Variants in FRMD4B observed in about 807,000 individuals in gnomAD.
FRMD4B encodes FERM domain containing 4B, also known as FERM domain-containing protein 4B.
Under a neutral mutation model 141.5 loss-of-function variants are expected in FRMD4B, and 74 were observed. The ratio of observed to expected loss-of-function variants is 0.52; its 90% CI spans 0.43 to 0.63. FRMD4B has a LOEUF of 0.63. Ranked by LOEUF, FRMD4B falls within the 30% of genes least tolerant of loss-of-function variation. FRMD4B has a pLI of 0.00. For missense variants in FRMD4B, 1,366 were observed against 1,253.4 expected (o/e 1.09, Z -1.36); for synonymous variants, 506 against 467.9 (o/e 1.08, Z -1.05).
At chr3:69,339,505 C>CA (rs1469497996) in intron 1 of FRMD4B, among the ~76,000 whole-genome samples, 1 of 152,188 alleles carries the variant, frequency 6.6e-6, no homozygotes, top group Non-Finnish European at 1.5e-5. Flanking sequence ...GGAAAGCACC[C>CA]AGCACAGTGC....
chr3:69,212,631 C>G (rs1476388322), intron 11 of FRMD4B, among the ~76,000 whole-genome samples: 1 of 152,114 alleles, frequency 6.6e-6, no homozygotes, highest in African/African-American at 2.4e-5. Context: ...GTCATAAGTA[C>G]AGGAGAGGAA....
intron 2 of FRMD4B, among the ~76,000 whole-genome samples, chr3:69,391,455 G>C (rs1575784720): frequency 7.2e-6 from 1 of 139,228 alleles, no homozygotes; most frequent in East Asian, 2.1e-4. Flanking sequence ...GTGTCCAAGT[G>C]TTCCCACTGT....
intron 2 of FRMD4B, among the ~76,000 whole-genome samples, chr3:69,312,843 T>C (rs1701644814): frequency 6.6e-6 from 1 of 152,088 alleles, no homozygotes; most frequent in African/African-American, 2.4e-5. Context: ...GAGCTGAGAT[T>C]ATGCTACTGC....
intron 9 of FRMD4B, among the ~76,000 whole-genome samples, chr3:69,219,464 A>C (rs2093172894): frequency 6.6e-6 from 1 of 152,170 alleles, no homozygotes. Flanking sequence ...GTCATGCAGC[A>C]ACTAAACTGC....
At chr3:69,362,683 A>G (rs1575764850) in intron 1 of FRMD4B, among the ~76,000 whole-genome samples, 2 of 144,046 alleles carry the variant, frequency 1.4e-5, no homozygotes, top group East Asian at 3.9e-4. Context: ...TCTCAAAACA[A>G]CAACAACAAA....
chr3:69,393,024 C>T (rs944129125), intron 2 of FRMD4B, among the ~76,000 whole-genome samples: 7 of 152,058 alleles, frequency 4.6e-5, no homozygotes, highest in African/African-American at 1.7e-4. Context: ...TAGCCATTGT[C>T]CCCCTCATAG....
chr3:69,403,677 G>A (rs944691487), intron 2 of FRMD4B, among the ~76,000 whole-genome samples: 1 of 152,118 alleles, frequency 6.6e-6, no homozygotes, highest in South Asian at 2.1e-4. Flanking sequence ...TACACCTAAC[G>A]CAATCAGCTT....
At chr3:69,325,363 C>T (rs1702158518) in intron 1 of FRMD4B, among the ~76,000 whole-genome samples, 1 of 152,208 alleles carries the variant, frequency 6.6e-6, no homozygotes, top group South Asian at 2.1e-4. Context: ...CAGACATTCC[C>T]TGGGGAGGGC....
intron 1 of FRMD4B, among the ~76,000 whole-genome samples, chr3:69,337,120 G>A (rs1282001171): frequency 6.6e-6 from 1 of 151,952 alleles, no homozygotes; most frequent in Non-Finnish European, 1.5e-5. Context: ...ATAGACAAAT[G>A]GAACAGAACA....
At chr3:69,199,640 A>G (rs929851113) in intron 11 of FRMD4B, among the ~76,000 whole-genome samples, 7 of 152,192 alleles carry the variant, frequency 4.6e-5, no homozygotes, top group African/African-American at 1.7e-4. Context: ...GGAACACCAG[A>G]GCCTCTTCTT....
chr3:69,436,741 C>T (rs943071564), intron 1 of FRMD4B, among the ~76,000 whole-genome samples: 13 of 152,104 alleles, frequency 8.5e-5, no homozygotes, highest in African/African-American at 2.9e-4. Context: ...ATATACATAA[C>T]ATGGATTATA....
At chr3:69,214,160 C>G (rs1055395051) in intron 11 of FRMD4B, among the ~76,000 whole-genome samples, 1 of 152,108 alleles carries the variant, frequency 6.6e-6, no homozygotes, top group Admixed American at 6.6e-5. Context: ...ATTTTCATAA[C>G]TCATAGAAGA....
At chr3:69,211,758 A>G (rs1000256494) in intron 11 of FRMD4B, among the ~76,000 whole-genome samples, 2 of 152,128 alleles carry the variant, frequency 1.3e-5, no homozygotes, top group African/African-American at 4.8e-5. Flanking sequence ...TTTGACCTTC[A>G]TTCCTGCTGG....
chr3:69,403,806 A>T (rs1035333928), intron 2 of FRMD4B, among the ~76,000 whole-genome samples: 2 of 152,122 alleles, frequency 1.3e-5, no homozygotes, highest in Admixed American at 6.6e-5. Context: ...ACGCATGCGT[A>T]CCCCACTCCC....
chr3:69,475,153 G>A (rs995497012), intron 1 of FRMD4B, among the ~76,000 whole-genome samples: 3 of 151,914 alleles, frequency 2.0e-5, no homozygotes, highest in Non-Finnish European at 4.4e-5. Flanking sequence ...ACAGTCTGAG[G>A]TGTCATAAGC....
At chr3:69,502,715 C>CAA (rs535710190) in intron 1 of FRMD4B, among the ~76,000 whole-genome samples, 3 of 146,806 alleles carry the variant, frequency 2.0e-5, no homozygotes, top group Admixed American at 6.8e-5. Flanking sequence ...TTCTGCACAG[C>CAA]AAAAAAAAAA....
rs1203273198 is a variant in FRMD4B, at chr3:69,353,787, A to G, written c.162+32041T>C. ...ACTGTTTGTTTCTTTGATTAGAAAC[A>G]AAAGCCTTTCAATATGAGTCACGGG... On this transcript the variant is annotated intron_variant, in intron 1 of 22. Coordinates refer to ENST00000398540, the MANE Select transcript of FRMD4B (RefSeq NM_015123.3). The G allele has an allele frequency of 5.1e-6, 4 of 791,360 alleles. No individual in the cohort carries two copies. The African/African-American group carries it at 5.6e-5, about 11-fold the overall frequency. 49.0% of individuals were successfully genotyped at this position (791,360 alleles called of 1,614,324 possible).
intron 7 of FRMD4B, among the ~76,000 whole-genome samples, chr3:69,227,833 G>A (rs1169965213): frequency 1.3e-5 from 2 of 151,618 alleles, no homozygotes; most frequent in Admixed American, 1.3e-4. Context: ...CACAAAGAGT[G>A]AACCCTAATT....
chr3:69,372,537 C>A (rs1419487399), intron 1 of FRMD4B, among the ~76,000 whole-genome samples: 3 of 152,132 alleles, frequency 2.0e-5, no homozygotes, highest in African/African-American at 7.2e-5. Context: ...TGGTGGCACG[C>A]ACCTGTAATC....
Sources: allele counts gnomAD v4.1 joint callset (sites outside exome capture counted in the v4.1 genomes callset), GRCh38; gene constraint gnomAD v4.1.1; transcripts MANE v1.5; gene names NCBI Gene and HGNC (gene_info 2026-07-23, HGNC 2026-07-21).